ABCA1: variants seen among roughly 807,000 people sequenced by gnomAD.
ABCA1 encodes ATP binding cassette subfamily A member 1.
A neutral mutation model predicts 262.5 loss-of-function variants in ABCA1; 133 were observed. That is an observed-to-expected ratio of 0.51 (90% CI 0.44 to 0.59). The LOEUF is 0.59. Ranked by LOEUF, ABCA1 falls within the 20% of genes least tolerant of loss-of-function variation. The pLI is 0.00. For synonymous variants in ABCA1, 1,022 were observed against 1,043.5 expected (o/e 0.98, Z 0.40); for missense variants, 2,452 against 2,777.5 (o/e 0.88, Z 2.63).
Position 104,817,893 on chromosome 9 carries a change from A to G in ABCA1, c.3463-489T>C, listed in dbSNP as rs933786931. On this transcript the variant is annotated intron_variant, in intron 23 of 49. Transcript: ENST00000374736. This position sits in a 1 kb window ranked among gnomAD's most constrained non-coding sequence, Gnocchi z 4.7. ...AGACTGCACTTGAGTTAAGAGGCTC[A>G]TTAAAAGGTAAATAAGTGGATAGGA... Among the ~76,000 whole-genome samples the G allele has an allele frequency of 3.9e-4, 60 of 152,254 alleles. No homozygotes were observed. Among genetic ancestry groups the G allele is most frequent in the African/African-American group, 1.4e-3 (59 of 41,472 alleles).
At chr9:104,793,098 G>A in intron 41 of ABCA1, 73 bp downstream of exon 41, 1 of 1,601,298 alleles carries the variant, frequency 6.2e-7, no homozygotes, top group Non-Finnish European at 8.6e-7. Flanking sequence ...AACCCCCATT[G>A]GTGAGTGTTT....
chr9:104,829,267 G>A (rs1331999805), intron 14 of ABCA1, 129 bp from the exon 15 acceptor site: 1 of 833,982 alleles, frequency 1.2e-6, no homozygotes, highest in Admixed American at 2.0e-5. Flanking sequence ...AGGCCCTCTA[G>A]ACTCTGAAAT....
intron 20 of ABCA1, 44 bp downstream of exon 20, chr9:104,821,331 C>T (rs773952973): frequency 3.9e-5 from 62 of 1,608,904 alleles, no homozygotes; most frequent in Non-Finnish European, 5.2e-5. Context: ...ATGACACACA[C>T]ACATCCAGAA....
Position 104,796,052 on chromosome 9 carries a change from C to T in ABCA1, c.5382+1G>A. ...AGGAGTGTTCTCTCTGCATGACTCA[C>T]ATTGTCGGTGAACAGCTCCAGCACA... On this transcript the variant is annotated splice_donor_variant, in intron 39 of 49. Coordinates refer to ENST00000374736, the MANE Select transcript of ABCA1 (RefSeq NM_005502.4). LOFTEE classifies it high-confidence loss of function. 1 of 1,612,536 alleles carries T rather than the reference C, an allele frequency of 6.2e-7. No homozygotes were observed.
At chr9:104,914,500 TA>T (rs80006856) in intron 1 of ABCA1, among the ~76,000 whole-genome samples, 643 of 135,912 alleles carry the variant, frequency 4.7e-3, no homozygotes, top group Admixed American at 5.2e-3. Context: ...AACTCCATCT[TA>T]AAAAAAAAAA....
At position 104,889,119 on chromosome 9, in the gene ABCA1, G is replaced by C. The variant is rs1195606986; in HGVS notation, c.143C>G (p.Pro48Arg). The C allele has an allele frequency of 6.2e-7, 1 of 1,614,048 alleles. No homozygotes were observed. The highest frequency in any genetic ancestry group is 2.2e-5 in the East Asian group (1 of 44,878). ...TTACTTACATTCATGTTGTTCATAGGGTGGGTAGCTCAGCCGAACAGAGAT... is the reference window on the plus strand; with the variant it reads ...TTACTTACATTCATGTTGTTCATAGCGTGGGTAGCTCAGCCGAACAGAGAT... ...ILISVRLSYP[P>R]YEQHECHFPN... The change falls in exon 3 of 50, where the codon CCC (proline) becomes CGC (arginine). Residue 48 changes from proline to arginine, a missense_variant. By Grantham distance (103) the Pro-to-Arg change is moderately radical. Coordinates refer to ENST00000374736, the MANE Select transcript of ABCA1 (RefSeq NM_005502.4).
intron 37 of ABCA1, among the ~76,000 whole-genome samples, chr9:104,796,875 C>T (rs1053391885): frequency 2.0e-5 from 3 of 152,156 alleles, no homozygotes; most frequent in Non-Finnish European, 2.9e-5. Flanking sequence ...ATTGTTTCAT[C>T]GCACTGAGAA....
At chr9:104,870,754 C>G (rs890955960) in intron 5 of ABCA1, among the ~76,000 whole-genome samples, 1 of 151,628 alleles carries the variant, frequency 6.6e-6, no homozygotes, top group East Asian at 1.9e-4. Context: ...GGGCTGAGTC[C>G]GAAAAGAGAG....
intron 7 of ABCA1, among the ~76,000 whole-genome samples, chr9:104,854,120 T>C (rs1369140221): frequency 1.3e-5 from 2 of 152,186 alleles, no homozygotes; most frequent in East Asian, 1.9e-4. Context: ...CTCAACCCAC[T>C]TGTGGGAGAG....
In ABCA1 at chr9:104,825,853, C is replaced by G. The variant is rs1286052066; in HGVS notation, c.2372G>C (p.Cys791Ser). Residue 791 changes from cysteine (C) to serine (S), a missense_variant, in exon 17 of 50, where the codon TGT becomes TCT. Coordinates refer to ENST00000374736, the MANE Select transcript of ABCA1 (RefSeq NM_005502.4). ...LLSPVAFGFG[C>S]EYFALFEEQG... ...CTCCTCAAAAAGGGCAAAGTACTCA[C>G]AGCCAAACCCAAAAGCCACAGGAGA... 5.0e-6 allele frequency: 8 copies of G among 1,614,196 alleles called. No homozygotes were observed. Among genetic ancestry groups the G allele is most frequent in the African/African-American group, 1.3e-5 (1 of 75,056 alleles).
At chr9:104,903,978 C>T (rs1840882272) in intron 1 of ABCA1, among the ~76,000 whole-genome samples, 1 of 152,186 alleles carries the variant, frequency 6.6e-6, no homozygotes, top group Non-Finnish European at 1.5e-5. Flanking sequence ...CGACAGCAGG[C>T]TAGGAGCTAC....
intron 8 of ABCA1, 129 bp from the exon 9 acceptor site, chr9:104,840,648 ATT>A: frequency 1.0e-6 from 1 of 987,742 alleles, no homozygotes; most frequent in Non-Finnish European, 1.5e-6. Flanking sequence ...CCCAGAACAT[ATT>A]TTGTCTGATG....
chr9:104,914,678 G>A (rs923136864), intron 1 of ABCA1, among the ~76,000 whole-genome samples: 4 of 152,110 alleles, frequency 2.6e-5, no homozygotes, highest in East Asian at 1.9e-4. Flanking sequence ...CCACAATGAC[G>A]CAGCGCTCCA....
rs1461964626 is a variant in ABCA1, at chr9:104,837,533, C to T, written c.1089G>A (p.Glu363=). The T allele has an allele frequency of 2.5e-6, 4 of 1,614,068 alleles. No individual in the cohort carries two copies. Among genetic ancestry groups the T allele is most frequent in the African/African-American group, 2.7e-5 (2 of 74,936 alleles). ...PYCNDLMKNL[E]SSPLSRIIWK... ...AGATAATGCGGGAAAGAGGACTAGA[C>T]TCCAAATTCTTCATCAAATCATTGC... Residue 363 remains glutamate, a synonymous_variant, in exon 10 of 50, where the codon GAG becomes GAA. Coordinates refer to ENST00000374736, the MANE Select transcript of ABCA1 (RefSeq NM_005502.4).
intron 30 of ABCA1, among the ~76,000 whole-genome samples, chr9:104,806,863 C>T (rs959588430): frequency 2.0e-5 from 3 of 152,014 alleles, no homozygotes; most frequent in African/African-American, 7.3e-5. Flanking sequence ...AATAAGATAA[C>T]CTTAGATGGC....
In ABCA1 at chr9:104,821,499, G is replaced by C. The variant is rs1832344584; in HGVS notation, c.2836C>G (p.Leu946Val). Residue 946 changes from leucine to valine, a missense_variant, in exon 20 of 50, where the codon CTG becomes GTG. By Grantham distance (32) the Leu-to-Val change is conservative. Coordinates refer to ENST00000374736, the MANE Select transcript of ABCA1 (RefSeq NM_005502.4). ...GAGKTTTMSI[L>V]TGLFPPTSGT... is the part of the protein sequence containing the mutation. The stretch of plus-strand genomic sequence containing the variant: ...GAGGTCGGGGGGAACAACCCGGTCA[G>C]GATTGACCTGAGGACAAAAATTTAG... 6.2e-7 allele frequency: 1 copy of C among 1,613,922 alleles called. No individual in the cohort carries two copies. Among genetic ancestry groups the C allele is most frequent in the Middle Eastern group, 1.7e-4 (1 of 5,872 alleles).
intron 16 of ABCA1, among the ~76,000 whole-genome samples, chr9:104,826,342 T>G (rs1489163677): frequency 6.6e-6 from 1 of 152,166 alleles, no homozygotes; most frequent in Non-Finnish European, 1.5e-5. Context: ...TTAGCTTTCC[T>G]GATAAGTGAC....
intron 5 of ABCA1, among the ~76,000 whole-genome samples, chr9:104,866,893 C>T (rs566315096): frequency 2.8e-4 from 43 of 152,278 alleles, no homozygotes; most frequent in Non-Finnish European, 5.4e-4. Context: ...AATAGAAATT[C>T]CTTGAGGGCC....
In ABCA1 at chr9:104,786,945, G is replaced by T; in HGVS notation, c.6236C>A (p.Ala2079Asp). 6.2e-7 allele frequency: 1 copy of T among 1,614,028 alleles called. No homozygotes were observed. The highest frequency in any genetic ancestry group is 1.1e-5 in the South Asian group (1 of 91,082). Residue 2079 changes from alanine to aspartate, a missense_variant, in exon 47 of 50, where the codon GCC becomes GAC. By Grantham distance (126) the Ala-to-Asp change is moderately radical. Transcript: ENST00000374736. ...DEPTTGMDPK[A>D]RRFLWNCALS... is the part of the protein sequence containing the mutation. ...GGCACAATTCCACAAGAACCGCCGG[G>T]CTTTGGGATCCATGCCTGTGGTGGG...
Sources: allele counts gnomAD v4.1 joint callset (sites outside exome capture counted in the v4.1 genomes callset), GRCh38; gene constraint gnomAD v4.1.1; non-coding constraint Gnocchi (gnomAD v3.1); transcripts MANE v1.5; gene names NCBI Gene and HGNC (gene_info 2026-07-23, HGNC 2026-07-21).